Variants in NKAIN3 observed in about 807,000 individuals in gnomAD.
NKAIN3 encodes sodium/potassium transporting ATPase interacting 3.
NKAIN3 carries 25 observed loss-of-function variants against 30.2 expected under a neutral mutation model. The ratio of observed to expected loss-of-function variants is 0.83; its 90% CI spans 0.60 to 1.16. NKAIN3 has a LOEUF of 1.16. NKAIN3 is among the 50% of genes most tolerant of loss of function. The probability of loss-of-function intolerance (pLI) is 0.00; values close to 1 mark genes in which losing one functional copy is unlikely to be tolerated. For synonymous variants in NKAIN3, 91 were observed against 89.6 expected (o/e 1.02, Z -0.09); for missense variants, 225 against 254.1 (o/e 0.89, Z 0.78).
At chr8:62,350,502 C>T (rs536356424) in intron 1 of NKAIN3, among the ~76,000 whole-genome samples, 4 of 152,134 alleles carry the variant, frequency 2.6e-5, no homozygotes, top group African/African-American at 4.8e-5. Context: ...GATAGAGTTA[C>T]AGCGTGGGAC....
chr8:62,432,024 G>A (rs1805017587), intron 1 of NKAIN3, among the ~76,000 whole-genome samples: 1 of 151,598 alleles, frequency 6.6e-6, no homozygotes, highest in African/African-American at 2.4e-5. Flanking sequence ...AATTAATGGA[G>A]AACCAAACAG....
intron 1 of NKAIN3, among the ~76,000 whole-genome samples, chr8:62,430,979 G>A (rs180884556): frequency 3.9e-4 from 59 of 151,968 alleles, no homozygotes; most frequent in Admixed American, 1.8e-3. Context: ...AGTACAGATG[G>A]GATGAATCTA....
intron 3 of NKAIN3, among the ~76,000 whole-genome samples, chr8:62,624,828 G>T (rs1803733667): frequency 7.0e-6 from 1 of 143,678 alleles, no homozygotes; most frequent in African/African-American, 2.6e-5. Flanking sequence ...TCTCAGTTTT[G>T]GAAGTTTCTA....
At chr8:62,470,266 A>G (rs1396433225) in intron 1 of NKAIN3, among the ~76,000 whole-genome samples, 1 of 152,128 alleles carries the variant, frequency 6.6e-6, no homozygotes, top group Non-Finnish European at 1.5e-5. Context: ...TAGGGCTGCC[A>G]ATTTGGAAAT....
chr8:62,557,534 A>G lies in NKAIN3; in HGVS notation c.55-22005A>G, dbSNP rs147245424. ...TTTACATTCCCACCAGCAGTGTAGA[A>G]GTGTTCCCTGTTTACCACATCCACG... On this transcript the variant is annotated intron_variant, in intron 1 of 6. Transcript: ENST00000623646. Among the ~76,000 whole-genome samples the G allele has an allele frequency of 3.3e-3, 502 of 152,272 alleles. 8 individuals carry two copies. The highest frequency in any genetic ancestry group is 0.024 in the Admixed American group (361 of 15,284).
intron 1 of NKAIN3, among the ~76,000 whole-genome samples, chr8:62,327,195 C>A (rs1815171317): frequency 6.6e-6 from 1 of 151,870 alleles, no homozygotes; most frequent in South Asian, 2.1e-4. Flanking sequence ...TTTAGGAGTT[C>A]TCTACATATT....
chr8:62,414,079 C>T (rs747876510), intron 1 of NKAIN3, among the ~76,000 whole-genome samples: 7 of 152,074 alleles, frequency 4.6e-5, no homozygotes, highest in Non-Finnish European at 7.4e-5. Flanking sequence ...TGTGTGCATA[C>T]GTATGTCTTT....
At chr8:62,667,315 T>A (rs1034758625) in intron 3 of NKAIN3, among the ~76,000 whole-genome samples, 2 of 134,156 alleles carry the variant, frequency 1.5e-5, no homozygotes, top group African/African-American at 6.1e-5. Context: ...ATATATATAT[T>A]TATATATATA....
intron 5 of NKAIN3, chr8:62,990,204 T>C: frequency 1.9e-6 from 3 of 1,545,844 alleles, no homozygotes; most frequent in Non-Finnish European, 2.6e-6. Flanking sequence ...CATCTTTTTA[T>C]CCAGATGCTG....
At chr8:62,381,525 CAT>C (rs200707903) in intron 1 of NKAIN3, among the ~76,000 whole-genome samples, 2 of 151,968 alleles carry the variant, frequency 1.3e-5, no homozygotes, top group African/African-American at 2.4e-5. Flanking sequence ...CACACATATA[CAT>C]ATATATATTA....
chr8:62,823,223 A>G (rs2130733935), intron 4 of NKAIN3, among the ~76,000 whole-genome samples: 1 of 152,332 alleles, frequency 6.6e-6, no homozygotes, highest in South Asian at 2.1e-4. Flanking sequence ...ATGTTATGAC[A>G]GCTGCAATGT....
In NKAIN3 at chr8:62,971,435, G is replaced by A. The variant is rs560433720; in HGVS notation, c.*6028G>A. On this transcript the variant is annotated 3_prime_UTR_variant, in exon 7 of 7. Coordinates refer to ENST00000623646, the MANE Select transcript of NKAIN3 (RefSeq NM_001304533.3). The stretch of plus-strand genomic sequence containing the variant: ...GCAGATCACTTGAGCTTACGAGTTC[G>A]AGACCAGCCTGAGCAACATGGCAAA... Among the ~76,000 whole-genome samples the A allele has an allele frequency of 6.6e-5, 10 of 151,446 alleles. No homozygotes were observed. In the East Asian group the frequency reaches 1.4e-3, roughly 21 times the overall value.
At position 62,667,795 on chromosome 8, in the gene NKAIN3, C is replaced by T. The variant is rs78460288; in HGVS notation, c.273+78001C>T. 7.6e-3 allele frequency among the ~76,000 whole-genome samples: 1,155 copies of T among 152,092 alleles called. 13 individuals are homozygous for T. Among genetic ancestry groups the T allele is most frequent in the Admixed American group, 0.016 (243 of 15,268 alleles). On this transcript the variant is annotated intron_variant, in intron 3 of 6. Transcript: ENST00000623646. Reference sequence around the variant, plus strand: ...CTCAAACTCCATGCATGGCCTTTACCGCCTCACATGATATACCCTGCCTTT... The same window carrying T: ...CTCAAACTCCATGCATGGCCTTTACTGCCTCACATGATATACCCTGCCTTT...
At chr8:62,391,268 G>A (rs1228946249) in intron 1 of NKAIN3, among the ~76,000 whole-genome samples, 1 of 152,058 alleles carries the variant, frequency 6.6e-6, no homozygotes, top group Non-Finnish European at 1.5e-5. Flanking sequence ...GAATTTTTCT[G>A]AATTGTTTTG....
intron 1 of NKAIN3, among the ~76,000 whole-genome samples, chr8:62,393,028 T>C (rs1016421356): frequency 2.0e-5 from 3 of 151,536 alleles, no homozygotes; most frequent in African/African-American, 7.3e-5. Flanking sequence ...TGCAGGTCTC[T>C]AAATTTCAGT....
intron 3 of NKAIN3, among the ~76,000 whole-genome samples, chr8:62,734,472 G>A (rs1815584884): frequency 1.3e-5 from 2 of 151,964 alleles, no homozygotes; most frequent in Admixed American, 1.3e-4. Context: ...AAAACCTGAG[G>A]GATCTAGTTT....
chr8:62,585,108 C>T (rs1477588374), intron 2 of NKAIN3, among the ~76,000 whole-genome samples: 1 of 152,186 alleles, frequency 6.6e-6, no homozygotes, highest in Non-Finnish European at 1.5e-5. Context: ...CCTTGCTTAT[C>T]TCAGCCTGAA....
chr8:62,420,673 G>A (rs955130315), intron 1 of NKAIN3, among the ~76,000 whole-genome samples: 11 of 152,132 alleles, frequency 7.2e-5, no homozygotes, highest in African/African-American at 2.4e-4. Flanking sequence ...ATAAAAGGAT[G>A]TGTTTTGGAT....
At chr8:62,940,099 T>C (rs969314148) in intron 5 of NKAIN3, among the ~76,000 whole-genome samples, 3 of 150,656 alleles carry the variant, frequency 2.0e-5, no homozygotes, top group South Asian at 2.1e-4. Flanking sequence ...AAAAGAGAGC[T>C]GGAGTAGCTA....
Sources: gnomAD v4.1 joint callset for allele counts (sites outside exome capture counted in the v4.1 genomes callset) on GRCh38, gnomAD v4.1.1 for gene constraint, MANE v1.5 for transcripts, NCBI Gene and HGNC (gene_info 2026-07-23, HGNC 2026-07-21) for gene names.